The following FMN1 variants were observed in gnomAD, a reference collection of about 807,000 sequenced individuals.
FMN1 encodes the protein formin-1.
Under a neutral mutation model 132.4 loss-of-function variants are expected in FMN1, and 110 were observed. The ratio of observed to expected loss-of-function variants is 0.83; its 90% CI spans 0.71 to 0.97. FMN1 has a LOEUF of 0.97. FMN1 is among the 50% of genes least tolerant of loss of function. The pLI, the probability that FMN1 is intolerant of heterozygous loss-of-function variation, is 0.00. For synonymous variants in FMN1, 722 were observed against 651.7 expected (o/e 1.11, Z -1.64); for missense variants, 1,792 against 1,705.3 (o/e 1.05, Z -0.90).
intron 17 of FMN1, among the ~76,000 whole-genome samples, chr15:32,808,668 T>G (rs1421804193): frequency 2.0e-5 from 3 of 152,198 alleles, no homozygotes; most frequent in Non-Finnish European, 2.9e-5. Flanking sequence ...GACTATGAGA[T>G]ATACTGAACG....
chr15:32,932,312 A>C (rs1450091949), intron 9 of FMN1, among the ~76,000 whole-genome samples: 1 of 152,172 alleles, frequency 6.6e-6, no homozygotes, highest in Non-Finnish European at 1.5e-5. Flanking sequence ...GAGGCAGGAA[A>C]ATCACTTGAA....
chr15:32,944,969 C>T lies in FMN1; in HGVS notation c.3139-18708G>A, dbSNP rs369864887. 7.9e-5 allele frequency among the ~76,000 whole-genome samples: 12 copies of T among 152,178 alleles called. No individual in the cohort carries two copies. The South Asian group carries it at 1.0e-3, about 13-fold the overall frequency. ...CCAGAGCTACCAAAGCTTGGCCCTG[C>T]GAACAGCTTTGATTTTAGACTTCTA... On this transcript the variant is annotated intron_variant, in intron 9 of 20. Transcript: ENST00000616417.
At chr15:32,963,260 G>A (rs376791424) in intron 9 of FMN1, among the ~76,000 whole-genome samples, 39 of 146,724 alleles carry the variant, frequency 2.7e-4, no homozygotes, top group East Asian at 2.1e-3. Flanking sequence ...ACCAAACACC[G>A]CATATTCTCA....
At chr15:32,826,684 G>C (rs1306256587) in intron 17 of FMN1, among the ~76,000 whole-genome samples, 4 of 152,250 alleles carry the variant, frequency 2.6e-5, no homozygotes. Context: ...TACCCACCTA[G>C]GAGTTTGCTT....
intron 4 of FMN1, among the ~76,000 whole-genome samples, chr15:33,130,472 T>C (rs193067277): frequency 1.6e-3 from 237 of 152,304 alleles, no homozygotes; most frequent in African/African-American, 5.4e-3. Context: ...ATCAGCAACC[T>C]AAGAATGAGA....
At chr15:32,809,071 A>AT in intron 17 of FMN1, among the ~76,000 whole-genome samples, 1 of 152,240 alleles carries the variant, frequency 6.6e-6, no homozygotes, top group East Asian at 1.9e-4. Flanking sequence ...CTTATTTATA[A>AT]TTTAACAAAT....
At chr15:33,065,222 A>G (rs1010503997) in intron 5 of FMN1, 148 bp from the exon 6 acceptor site, 8 of 507,668 alleles carry the variant, frequency 1.6e-5, no homozygotes, top group African/African-American at 1.4e-4. Context: ...ATCTCACTAT[A>G]GTGTGACCCT....
At chr15:33,086,668 TTAAAG>T (rs1392363540) in intron 5 of FMN1, among the ~76,000 whole-genome samples, 1 of 152,224 alleles carries the variant, frequency 6.6e-6, no homozygotes, top group African/African-American at 2.4e-5. Flanking sequence ...CAAATGCAAC[TTAAAG>T]TAATTGACCA....
chr15:32,806,955 C>T (rs557340152), intron 17 of FMN1, among the ~76,000 whole-genome samples: 2 of 152,290 alleles, frequency 1.3e-5, no homozygotes, highest in South Asian at 2.1e-4. Flanking sequence ...CTATTCCTTT[C>T]CTCATGTGTT....
chr15:32,812,811 G>C (rs2057928712), intron 17 of FMN1, among the ~76,000 whole-genome samples: 1 of 152,210 alleles, frequency 6.6e-6, no homozygotes, highest in Non-Finnish European at 1.5e-5. Context: ...GCATACAATA[G>C]AAAGGGTCAG....
intron 6 of FMN1, among the ~76,000 whole-genome samples, chr15:33,014,657 G>C (rs138697723): frequency 6.6e-6 from 1 of 152,276 alleles, no homozygotes; most frequent in Non-Finnish European, 1.5e-5. Flanking sequence ...AAAAATGAAA[G>C]AACTTTCTCT....
intron 9 of FMN1, among the ~76,000 whole-genome samples, chr15:32,933,998 G>T (rs2061191715): frequency 6.6e-6 from 1 of 152,050 alleles, no homozygotes; most frequent in South Asian, 2.1e-4. Context: ...TGAGAGGCAA[G>T]AACTTATTAT....
At chr15:33,107,212 C>G (rs538659807) in intron 4 of FMN1, among the ~76,000 whole-genome samples, 26 of 152,030 alleles carry the variant, frequency 1.7e-4, no homozygotes, top group African/African-American at 6.0e-4. Context: ...AACAGTATCC[C>G]AAATCTGATC....
chr15:32,810,892 C>A, intron 17 of FMN1: 1 of 449,456 alleles, frequency 2.2e-6, no homozygotes, highest in South Asian at 1.6e-5. Flanking sequence ...ACAGGACGCA[C>A]AGTTAAGAAG....
intron 4 of FMN1, among the ~76,000 whole-genome samples, chr15:33,103,466 C>T (rs2039370190): frequency 1.3e-5 from 2 of 152,110 alleles, no homozygotes; most frequent in Admixed American, 1.3e-4. Context: ...AATTATTACT[C>T]TCTGCTCAGT....
At chr15:33,075,338 A>C (rs760137246) in intron 5 of FMN1, among the ~76,000 whole-genome samples, 1 of 152,154 alleles carries the variant, frequency 6.6e-6, no homozygotes, top group Non-Finnish European at 1.5e-5. Context: ...ACAAGTATTT[A>C]CTGATGAACT....
chr15:33,140,592 A>T (rs1963969687), intron 4 of FMN1, among the ~76,000 whole-genome samples: 2 of 152,246 alleles, frequency 1.3e-5, no homozygotes, highest in Non-Finnish European at 2.9e-5. Flanking sequence ...TCAGACTCAC[A>T]TGTAAACAAA....
In FMN1 at chr15:32,788,901, T is replaced by G. The variant is rs35996545; in HGVS notation, c.4130+9903A>C. Among the ~76,000 whole-genome samples, 2,403 of 152,352 alleles carry G rather than the reference T, an allele frequency of 0.016. 130 individuals carry two copies. The East Asian group carries it at 0.17, about 11-fold the overall frequency. ...TTGTTTTATTCCATTAACTAATCTTTCTTGTTCTGAACATGTCTATTCTCT... is the reference window on the plus strand; with the variant it reads ...TTGTTTTATTCCATTAACTAATCTTGCTTGTTCTGAACATGTCTATTCTCT... On this transcript the variant is annotated intron_variant, in intron 19 of 20. Transcript: ENST00000616417.
chr15:33,104,993 T>C (rs1431919619), intron 4 of FMN1, among the ~76,000 whole-genome samples: 2 of 152,134 alleles, frequency 1.3e-5, no homozygotes, highest in African/African-American at 4.8e-5. Context: ...CCAAGAGCTC[T>C]GAGAGGTGGT....
Sources: gnomAD v4.1 joint callset for allele counts (sites outside exome capture counted in the v4.1 genomes callset) on GRCh38, gnomAD v4.1.1 for gene constraint, MANE v1.5 for transcripts, NCBI Gene and HGNC (gene_info 2026-07-23, HGNC 2026-07-21) for gene names.